Variants in PHACTR1 observed in about 807,000 individuals in gnomAD.
PHACTR1 encodes the protein RPEL repeat containing 1.
A neutral mutation model predicts 69.2 loss-of-function variants in PHACTR1; 16 were observed. The ratio of observed to expected loss-of-function variants is 0.23; its 90% CI spans 0.16 to 0.35. PHACTR1 has a LOEUF of 0.35. Among genes scored for constraint, PHACTR1 ranks in the 10% least tolerant of loss-of-function variants. The probability of loss-of-function intolerance (pLI) is 1.00; values close to 1 mark genes in which losing one functional copy is unlikely to be tolerated. For synonymous variants in PHACTR1, 312 were observed against 284.5 expected, an observed-to-expected ratio of 1.10 and a Z score of -0.97; for missense variants, 510 against 734.7, an observed-to-expected ratio of 0.69 and a Z score of 3.54.
At chr6:13,088,155 G>A (rs1472142388) in intron 5 of PHACTR1, among the ~76,000 whole-genome samples, 1 of 151,916 alleles carries the variant, frequency 6.6e-6, no homozygotes, top group African/African-American at 2.4e-5. Flanking sequence ...AACAAACTTA[G>A]AACTAATATG....
At chr6:12,856,021 T>C (rs547716638) in intron 4 of PHACTR1, among the ~76,000 whole-genome samples, 10 of 152,196 alleles carry the variant, frequency 6.6e-5, no homozygotes, top group Middle Eastern at 3.4e-3. Flanking sequence ...AGCTGCTAAA[T>C]TGGAAGAAGA....
At chr6:13,053,643 G>A in intron 5 of PHACTR1, 114 bp downstream of exon 5, 2 of 1,271,642 alleles carry the variant, frequency 1.6e-6, no homozygotes, top group Non-Finnish European at 2.1e-6. Context: ...AAAATATCAA[G>A]CCTTGGAATG....
intron 4 of PHACTR1, among the ~76,000 whole-genome samples, chr6:12,793,083 GACA>G (rs936218301): frequency 6.8e-4 from 103 of 152,152 alleles, no homozygotes; most frequent in African/African-American, 2.3e-3. Flanking sequence ...TAAATAAAAG[GACA>G]ATTATTAGTA....
intron 4 of PHACTR1, among the ~76,000 whole-genome samples, chr6:12,961,230 A>G (rs1792677388): frequency 6.6e-6 from 1 of 152,228 alleles, no homozygotes; most frequent in Non-Finnish European, 1.5e-5. Flanking sequence ...ACAAATGTCT[A>G]AAATTAAGAG....
At chr6:13,132,573 G>C (rs1820634401) in intron 5 of PHACTR1, among the ~76,000 whole-genome samples, 1 of 152,038 alleles carries the variant, frequency 6.6e-6, no homozygotes, top group Non-Finnish European at 1.5e-5. Flanking sequence ...CTTGGTTCCA[G>C]ACCACTGAAA....
chr6:13,154,316 C>T (rs11753549), intron 5 of PHACTR1, among the ~76,000 whole-genome samples: 14,627 of 152,002 alleles, frequency 0.096, 1,632 homozygotes, highest in African/African-American at 0.27. Flanking sequence ...CAGGCCACCA[C>T]GCCTGGCTAA....
At chr6:12,855,992 G>C (rs906658690) in intron 4 of PHACTR1, among the ~76,000 whole-genome samples, 2 of 152,076 alleles carry the variant, frequency 1.3e-5, no homozygotes, top group Non-Finnish European at 2.9e-5. Context: ...AAACTTTAAA[G>C]TTAATAGTCA....
rs1561776566 is a variant in PHACTR1 at position 13,064,610 on chromosome 6, A to ATC, written c.415+11082_415+11083insCT. Among the ~76,000 whole-genome samples the ATC allele has an allele frequency of 2.4e-3, 22 of 9,268 alleles. 3 individuals carry two copies. Among genetic ancestry groups the ATC allele is most frequent in the Non-Finnish European group, 3.4e-3 (18 of 5,372 alleles). The allele number at this position is 9,268 out of a possible 152,430, so 6.1% of individuals were successfully genotyped here. On this transcript the variant is annotated intron_variant, in intron 5 of 14. Coordinates refer to ENST00000332995, the MANE Select transcript of PHACTR1 (RefSeq NM_030948.6). ...TATATATATATATATATATATCTATATATCTATCTATCCACACTTGCCAGA... is the reference window on the plus strand; with the variant it reads ...TATATATATATATATATATATCTATATCTATCTATCTATCCACACTTGCCAGA...
intron 4 of PHACTR1, among the ~76,000 whole-genome samples, chr6:12,918,677 C>G (rs763246743): frequency 1.3e-5 from 2 of 152,186 alleles, no homozygotes; most frequent in Non-Finnish European, 2.9e-5. Flanking sequence ...CTCCCTAAAT[C>G]TTGCCTCATC....
chr6:12,741,329 T>G (rs1442621372), intron 3 of PHACTR1, among the ~76,000 whole-genome samples: 1 of 152,032 alleles, frequency 6.6e-6, no homozygotes, highest in Non-Finnish European at 1.5e-5. Flanking sequence ...TATGAAAAAT[T>G]TTTCTTTTAG....
At chr6:13,229,043 A>C (rs1056322293) in intron 9 of PHACTR1, among the ~76,000 whole-genome samples, 1 of 152,260 alleles carries the variant, frequency 6.6e-6, no homozygotes, top group Non-Finnish European at 1.5e-5. Context: ...AAGTGATGTC[A>C]AGGAAAGAAC....
At chr6:12,921,537 G>C in intron 4 of PHACTR1, among the ~76,000 whole-genome samples, 1 of 135,540 alleles carries the variant, frequency 7.4e-6, no homozygotes, top group Non-Finnish European at 1.6e-5. Flanking sequence ...AGGGAGGGAG[G>C]AGGGAAAGGA....
intron 4 of PHACTR1, among the ~76,000 whole-genome samples, chr6:12,951,290 T>C (rs1791262747): frequency 6.6e-6 from 1 of 152,204 alleles, no homozygotes; most frequent in African/African-American, 2.4e-5. Flanking sequence ...TTCTTGTTTA[T>C]CGTATTGCAG....
intron 5 of PHACTR1, among the ~76,000 whole-genome samples, chr6:13,126,470 G>C (rs1322706536): frequency 1.3e-5 from 2 of 152,226 alleles, no homozygotes; most frequent in East Asian, 3.8e-4. Context: ...GAGATGGTTT[G>C]CATCAAGAGA....
chr6:12,857,601 T>TA (rs11382310), intron 4 of PHACTR1, among the ~76,000 whole-genome samples: 40,839 of 146,352 alleles, frequency 0.28, 6,121 homozygotes, highest in East Asian at 0.54. Flanking sequence ...GACTCCATCT[T>TA]AAAAAAAAAA....
intron 4 of PHACTR1, among the ~76,000 whole-genome samples, chr6:12,986,778 G>A (rs77950729): frequency 5.9e-5 from 9 of 152,160 alleles, no homozygotes; most frequent in Admixed American, 2.6e-4. Context: ...TGAAGGGGAG[G>A]CGGTATTTGA....
At chr6:13,011,161 T>G (rs1799408908) in intron 4 of PHACTR1, among the ~76,000 whole-genome samples, 1 of 152,222 alleles carries the variant, frequency 6.6e-6, no homozygotes, top group South Asian at 2.1e-4. Context: ...AACAGCATGG[T>G]TTCATACAAC....
At chr6:12,989,494 T>G (rs1796572249) in intron 4 of PHACTR1, among the ~76,000 whole-genome samples, 1 of 152,176 alleles carries the variant, frequency 6.6e-6, no homozygotes, top group African/African-American at 2.4e-5. Flanking sequence ...CTCATTCCAA[T>G]GCAACTTCAG....
At chr6:13,272,489 A>G (rs1189115959) in intron 10 of PHACTR1, 8 of 335,948 alleles carry the variant, frequency 2.4e-5, no homozygotes, top group African/African-American at 1.5e-4. Flanking sequence ...CAAGGGAGGG[A>G]GAGAGAGGCA....
Sources: allele counts gnomAD v4.1 joint callset (sites outside exome capture counted in the v4.1 genomes callset), GRCh38; gene constraint gnomAD v4.1.1; transcripts MANE v1.5; gene names NCBI Gene and HGNC (gene_info 2026-07-23, HGNC 2026-07-21).